Variants in NLRP12 observed in about 807,000 individuals in gnomAD.
NLRP12 encodes the protein NLR family pyrin domain containing 12.
Under a neutral mutation model 91.2 loss-of-function variants are expected in NLRP12, and 108 were observed. The ratio of observed to expected loss-of-function variants is 1.18; its 90% CI spans 1.01 to 1.39. The LOEUF is 1.39. Among genes scored for constraint, NLRP12 ranks in the 40% most tolerant of loss-of-function variants. NLRP12 has a pLI of 0.00. For synonymous variants in NLRP12, 613 were observed against 566.7 expected (o/e 1.08, Z -1.16); for missense variants, 1,530 against 1,352.7 (o/e 1.13, Z -2.06).
At chr19:53,816,554 CT>C (rs1405760907) in intron 1 of NLRP12, among the ~76,000 whole-genome samples, 1 of 152,056 alleles carries the variant, frequency 6.6e-6, no homozygotes. Flanking sequence ...GACAGTCTCG[CT>C]CTGTCGCCCA....
chr19:53,821,284 C>T (rs1380025720), intron 1 of NLRP12, among the ~76,000 whole-genome samples: 4 of 151,796 alleles, frequency 2.6e-5, no homozygotes, highest in Non-Finnish European at 5.9e-5. Context: ...GTGATCCATC[C>T]ACCTCAATCT....
rs778593953 is a variant in NLRP12, at chr19:53,814,997, G to T, written c.290-9C>A. ...GCCACCAGGTGGGGTATCTGGAAGA[G>T]AAATTGTGGAAGATGAGCTAGCACG... On this transcript the variant is annotated splice_polypyrimidine_tract_variant and intron_variant, in intron 1 of 9. Coordinates refer to ENST00000324134, the MANE Select transcript of NLRP12 (RefSeq NM_144687.4). 7 of 1,606,790 alleles carry T rather than the reference G, an allele frequency of 4.4e-6. No individual in the cohort carries two copies. In the East Asian group the frequency reaches 1.3e-4, roughly 31 times the overall value.
intron 2 of NLRP12, 76 bp from the exon 3 acceptor site, chr19:53,811,364 C>A: frequency 6.5e-7 from 1 of 1,543,728 alleles, no homozygotes; most frequent in African/African-American, 1.4e-5. Context: ...AAGCGCTCCT[C>A]ATGTGGCTCA....
At position 53,798,251 on chromosome 19, in the gene NLRP12, C is replaced by A; in HGVS notation, c.2919G>T (p.Gln973His). ...EGLQHPACRL[Q>H]KLWLDSCGLT... ...CACTCCCCGATGCTCACCACAGTTT[C>A]TGGAGTCTGCAGGCGGGATGTTGCA... Residue 973 changes from glutamine (Q) to histidine (H), a missense_variant, in exon 8 of 10, where the codon CAG becomes CAT. Coordinates refer to ENST00000324134, the MANE Select transcript of NLRP12 (RefSeq NM_144687.4). The A allele has an allele frequency of 6.2e-7, 1 of 1,614,220 alleles. No individual in the cohort carries two copies. The highest frequency in any genetic ancestry group is 8.5e-7 in the Non-Finnish European group (1 of 1,180,046).
In NLRP12 at chr19:53,823,959, C is replaced by T. The variant is rs1275174009; in HGVS notation, c.216G>A (p.Leu72=). 2 of 1,614,050 alleles carry T rather than the reference C, an allele frequency of 1.2e-6. No individual in the cohort carries two copies. Among genetic ancestry groups the T allele is most frequent in the African/African-American group, 1.3e-5 (1 of 74,922 alleles). ...TTATCCGCTCAAAGGTGCTGAGAGCCAACCTCCAGGCCTCCTCTGGCCCGA... is the reference window on the plus strand; with the variant it reads ...TTATCCGCTCAAAGGTGCTGAGAGCTAACCTCCAGGCCTCCTCTGGCCCGA... ...THFGPEEAWR[L]ALSTFERINR... is the part of the protein sequence containing the mutation. Residue 72 remains leucine (L), a synonymous_variant, in exon 1 of 10, where the codon TTG becomes TTA. Transcript: ENST00000324134.
chr19:53,824,131 G>T lies in NLRP12; in HGVS notation c.44C>A (p.Thr15Asn), dbSNP rs567202893. The T allele has an allele frequency of 6.2e-7, 1 of 1,614,096 alleles. No homozygotes were observed. Among genetic ancestry groups the T allele is most frequent in the Admixed American group, 1.7e-5 (1 of 59,982 alleles). Reference sequence around the variant, plus strand: ...CACAGCCTCGAGTTCTTCCAAGTAGGTGGACAGGCGACAGAGGCCGTCCCT... The same window carrying T: ...CACAGCCTCGAGTTCTTCCAAGTAGTTGGACAGGCGACAGAGGCCGTCCCT... ...AGRDGLCRLS[T>N]YLEELEAVEL... Residue 15 changes from threonine (T) to asparagine (N), a missense_variant, in exon 1 of 10, where the codon ACC (threonine) becomes AAC (asparagine). Thr to Asn is a moderately conservative substitution (Grantham distance 65). Transcript: ENST00000324134.
intron 1 of NLRP12, 79 bp downstream of exon 1, chr19:53,823,806 TC>T (rs1028396472): frequency 4.2e-5 from 64 of 1,526,666 alleles, no homozygotes; most frequent in Middle Eastern, 4.3e-4. Context: ...CTCTTCAGCC[TC>T]CCAAAGTGCT....
rs771632319 is a variant in NLRP12 at position 53,807,549 on chromosome 19, A to AC, written c.2188dup (p.Val730GlyfsTer41). On this transcript the variant is annotated frameshift_variant, in exon 4 of 10. Transcript: ENST00000324134. LOFTEE classifies it high-confidence loss of function. ...TCTGAGTCCTTGACAGAGCAGCTTC[A>AC]CCCCCCGGCTGCCCAGGGCATTTCG... 69 of 1,613,552 alleles carry AC rather than the reference A, an allele frequency of 4.3e-5. No individual in the cohort carries two copies. The highest frequency in any genetic ancestry group is 5.5e-5 in the Non-Finnish European group (65 of 1,179,956).
At chr19:53,801,532 A>G in intron 6 of NLRP12, 135 bp from the exon 7 acceptor site, 3 of 1,196,108 alleles carry the variant, frequency 2.5e-6, no homozygotes, top group Non-Finnish European at 3.4e-6. Flanking sequence ...GCTCAGCTGC[A>G]TCCTCCACCT....
At position 53,804,646 on chromosome 19, in the gene NLRP12, G is replaced by A. The variant is rs536866266; in HGVS notation, c.2415-524C>T. ...GGCTGGTCTCGAACTCCTGACCTCA[G>A]GTGATCCGCCTGCCTTGGCCTCCCA... On this transcript the variant is annotated intron_variant, in intron 5 of 9. Transcript: ENST00000324134. 2.1e-3 allele frequency among the ~76,000 whole-genome samples: 320 copies of A among 150,516 alleles called. 2 individuals are homozygous for A. The highest frequency in any genetic ancestry group is 7.4e-3 in the African/African-American group (305 of 41,228).
chr19:53,799,246 G>A (rs1600677918), intron 7 of NLRP12, among the ~76,000 whole-genome samples: 1 of 151,928 alleles, frequency 6.6e-6, no homozygotes, highest in Admixed American at 6.6e-5. Flanking sequence ...TCTTGACCTC[G>A]TGATCCACCC....
intron 1 of NLRP12, among the ~76,000 whole-genome samples, chr19:53,818,238 T>A (rs1001935218): frequency 6.6e-6 from 1 of 152,158 alleles, no homozygotes; most frequent in South Asian, 2.1e-4. Context: ...CATGCACCAC[T>A]GTGCCTGGTC....
At position 53,810,623 on chromosome 19, in the gene NLRP12, C is replaced by A. The variant is rs746500082; in HGVS notation, c.1036G>T (p.Ala346Ser). The A allele has an allele frequency of 6.2e-7, 1 of 1,614,086 alleles. No individual in the cohort carries two copies. The highest frequency in any genetic ancestry group is 1.1e-5 in the South Asian group (1 of 91,076). ...LSLLITTRPT[A>S]LEKLHRLLEH... ...AGCAGACGGTGGAGCTTCTCCAAAG[C>A]CGTGGGCCGTGTGGTGATGAGCAAA... The change falls in exon 3 of 10, where the codon GCT becomes TCT. Residue 346 changes from alanine to serine, a missense_variant. By Grantham distance (99) the Ala-to-Ser change is moderately conservative. Transcript: ENST00000324134.
Position 53,801,277 on chromosome 19 carries a change from C to G in NLRP12, c.2706G>C (p.Leu902=), listed in dbSNP as rs2091865490. The G allele has an allele frequency of 6.2e-7, 1 of 1,613,726 alleles. No homozygotes were observed. The highest frequency in any genetic ancestry group is 1.7e-5 in the Admixed American group (1 of 59,908). ...SLNELGDLGV[L]LLCEGLRHPT... is the part of the protein sequence containing the mutation. Reference sequence around the variant, plus strand: ...GATGCCTGAGGCCCTCACACAGCAGCAGCACCCCGAGGTCCCCCAGCTCAT... The same window carrying G: ...GATGCCTGAGGCCCTCACACAGCAGGAGCACCCCGAGGTCCCCCAGCTCAT... The change falls in exon 7 of 10, where the codon CTG becomes CTC. Residue 902 remains leucine, a synonymous_variant. Transcript: ENST00000324134.
chr19:53,816,195 GAA>G (rs2092156839), intron 1 of NLRP12, among the ~76,000 whole-genome samples: 1 of 152,128 alleles, frequency 6.6e-6, no homozygotes, highest in South Asian at 2.1e-4. Flanking sequence ...CACTCCATGA[GAA>G]AGTCTTCCCA....
chr19:53,819,658 C>T lies in NLRP12; in HGVS notation c.289+4228G>A, dbSNP rs1296135762. Among the ~76,000 whole-genome samples the T allele has an allele frequency of 2.5e-3, 77 of 30,450 alleles. 17 individuals carry two copies. The highest frequency in any genetic ancestry group is 4.1e-3 in the Non-Finnish European group (53 of 12,862). The allele number at this position is 30,450 out of a possible 152,430, so 20.0% of individuals were successfully genotyped here. A position where few individuals can be genotyped will look rare whatever the true frequency, so the allele number is the denominator to read the frequency against. ...ATATGTATGTATACGTATATATATA[C>T]ACATGTATACATATATGTATGTATA... On this transcript the variant is annotated intron_variant, in intron 1 of 9. Transcript: ENST00000324134.
chr19:53,799,166 C>G lies in NLRP12; in HGVS notation c.2757-753G>C, dbSNP rs370780163. Among the ~76,000 whole-genome samples the G allele has an allele frequency of 6.6e-5, 10 of 151,734 alleles. No homozygotes were observed. The East Asian group carries it at 1.6e-3, about 24-fold the overall frequency. Reference sequence around the variant, plus strand: ...TAGCTGTGACTACAGGTGCACACCACCACGCCCAGCTAATTTTTGTATTTT... The same window carrying G: ...TAGCTGTGACTACAGGTGCACACCAGCACGCCCAGCTAATTTTTGTATTTT... On this transcript the variant is annotated intron_variant, in intron 7 of 9. Transcript: ENST00000324134.
At chr19:53,807,146 C>T (rs1259830299) in intron 4 of NLRP12, among the ~76,000 whole-genome samples, 1 of 152,116 alleles carries the variant, frequency 6.6e-6, no homozygotes, top group Non-Finnish European at 1.5e-5. Flanking sequence ...CGGCTCACTG[C>T]AACCTCCGCC....
At chr19:53,813,370 C>G (rs1176884338) in intron 2 of NLRP12, among the ~76,000 whole-genome samples, 2 of 117,592 alleles carry the variant, frequency 1.7e-5, no homozygotes, top group Admixed American at 1.1e-4. Flanking sequence ...CGGCACGATT[C>G]GGCTTACTGC....
Sources: allele counts gnomAD v4.1 joint callset (sites outside exome capture counted in the v4.1 genomes callset), GRCh38; gene constraint gnomAD v4.1.1; transcripts MANE v1.5; gene names NCBI Gene and HGNC (gene_info 2026-07-23, HGNC 2026-07-21).